The following CCDC3 variants were observed in gnomAD, a reference collection of about 807,000 sequenced individuals.
The protein encoded by CCDC3 is coiled-coil domain-containing protein 3.
Under a neutral mutation model 21.4 loss-of-function variants are expected in CCDC3, and 24 were observed. The ratio of observed to expected loss-of-function variants is 1.12; its 90% CI spans 0.81 to 1.58. CCDC3 has a LOEUF of 1.58. CCDC3 is among the 40% of genes most tolerant of loss of function. The pLI is 0.00. For synonymous variants in CCDC3, 186 were observed against 166.0 expected (o/e 1.12, Z -0.93); for missense variants, 425 against 360.9 (o/e 1.18, Z -1.44).
chr10:13,062,047 G>T (rs1352984769), intron 4 of CCDC3, among the ~76,000 whole-genome samples: 1 of 137,030 alleles, frequency 7.3e-6, no homozygotes. Flanking sequence ...AAAATATTTT[G>T]ATTTTCTTCT....
chr10:12,910,322 T>G (rs1295916742), intron 2 of CCDC3, among the ~76,000 whole-genome samples: 1 of 152,182 alleles, frequency 6.6e-6, no homozygotes, highest in Admixed American at 6.5e-5. Flanking sequence ...ATACTGATAA[T>G]GAGAAAAAGC....
chr10:12,936,632 C>T (rs1411665544), intron 2 of CCDC3, among the ~76,000 whole-genome samples: 1 of 152,202 alleles, frequency 6.6e-6, no homozygotes, highest in Non-Finnish European at 1.5e-5. Context: ...TGAACAGTTC[C>T]TCCTAAGGTC....
intron 2 of CCDC3, among the ~76,000 whole-genome samples, chr10:12,948,440 G>C (rs1834953808): frequency 6.7e-6 from 1 of 149,876 alleles, no homozygotes; most frequent in African/African-American, 2.5e-5. Flanking sequence ...TGAAGAGTTT[G>C]ATGTGGCTAA....
At chr10:13,033,630 TAAAC>T (rs1254995416) in intron 5 of CCDC3, among the ~76,000 whole-genome samples, 7 of 152,002 alleles carry the variant, frequency 4.6e-5, no homozygotes, top group Admixed American at 4.6e-4. Context: ...ACAAAGAACT[TAAAC>T]AAATTTACAA....
At chr10:13,031,057 A>G (rs2131411281) in intron 5 of CCDC3, among the ~76,000 whole-genome samples, 1 of 152,312 alleles carries the variant, frequency 6.6e-6, no homozygotes, top group East Asian at 1.9e-4. Context: ...TCTCAGCACC[A>G]CATCACACTT....
At chr10:12,967,635 T>G (rs918068891) in intron 2 of CCDC3, among the ~76,000 whole-genome samples, 2 of 150,930 alleles carry the variant, frequency 1.3e-5, no homozygotes, top group Non-Finnish European at 3.0e-5. Flanking sequence ...AGGAAAAAAG[T>G]GAAAAGGGAT....
At chr10:12,970,086 G>GT (rs903583473) in intron 2 of CCDC3, among the ~76,000 whole-genome samples, 7 of 152,198 alleles carry the variant, frequency 4.6e-5, no homozygotes, top group African/African-American at 1.7e-4. Flanking sequence ...GGTTTTTAGG[G>GT]TTTTTTCATC....
chr10:13,001,119 G>T, intron 1 of CCDC3, 78 bp downstream of exon 1: 2 of 1,479,370 alleles, frequency 1.4e-6, no homozygotes, highest in Non-Finnish European at 1.8e-6. Context: ...GGGAGTTACC[G>T]GCCTGGCTCT....
In CCDC3 at chr10:13,045,320, A is replaced by G. The variant is rs918299415; in HGVS notation, c.-2+4354T>C. On this transcript the variant is annotated intron_variant, in intron 5 of 6. Transcript: ENST00000378839. ...ACCATTATAGGTAGTGTTAATATGC[A>G]ATTTATCAAAATAACAAATATATTT... 8.5e-5 allele frequency among the ~76,000 whole-genome samples: 13 copies of G among 152,338 alleles called. No homozygotes were observed. The East Asian group carries it at 2.5e-3, about 29-fold the overall frequency.
chr10:12,921,727 C>T (rs17501300), intron 2 of CCDC3, among the ~76,000 whole-genome samples: 8,008 of 152,128 alleles, frequency 0.053, 234 homozygotes, highest in Non-Finnish European at 0.072. Flanking sequence ...TAAAAGTTAT[C>T]GTAGCCGGTT....
rs528071147 is a variant in CCDC3, at chr10:13,078,241, C to A, written c.-502-4141G>T. 2.3e-3 allele frequency among the ~76,000 whole-genome samples: 357 copies of A among 152,036 alleles called. 2 individuals are homozygous for A. Among genetic ancestry groups the A allele is most frequent in the African/African-American group, 7.2e-3 (298 of 41,468 alleles). On this transcript the variant is annotated intron_variant, in intron 3 of 6. Transcript: ENST00000378839. ...TCTCAAAAGAAGACATTTATGCAGCCAAAAAACACATGAAAAAATGCTCAT... is the reference window on the plus strand; with the variant it reads ...TCTCAAAAGAAGACATTTATGCAGCAAAAAAACACATGAAAAAATGCTCAT...
chr10:12,992,258 T>C (rs1185633430), intron 2 of CCDC3, among the ~76,000 whole-genome samples: 4 of 151,938 alleles, frequency 2.6e-5, no homozygotes, highest in African/African-American at 9.7e-5. Context: ...GCCGTGGTGC[T>C]GGGCGCCTGT....
At chr10:12,909,344 G>C (rs972545195) in intron 2 of CCDC3, among the ~76,000 whole-genome samples, 8 of 152,168 alleles carry the variant, frequency 5.3e-5, no homozygotes, top group Admixed American at 4.6e-4. Flanking sequence ...AGGGGAGGAA[G>C]GGCAAAAGGA....
chr10:13,097,139 C>T (rs1269970678), intron 3 of CCDC3, among the ~76,000 whole-genome samples: 1 of 152,168 alleles, frequency 6.6e-6, no homozygotes, highest in South Asian at 2.1e-4. Flanking sequence ...TAAAAACCTT[C>T]CCACACTGCT....
intron 2 of CCDC3, among the ~76,000 whole-genome samples, chr10:12,909,470 C>A (rs537884885): frequency 1.3e-5 from 2 of 152,176 alleles, no homozygotes; most frequent in African/African-American, 4.8e-5. Flanking sequence ...TGTGCCAACC[C>A]GGGCTGAGTG....
At chr10:12,918,605 C>T (rs1027297974) in intron 2 of CCDC3, among the ~76,000 whole-genome samples, 9 of 152,154 alleles carry the variant, frequency 5.9e-5, no homozygotes, top group Non-Finnish European at 2.9e-5. Flanking sequence ...ATGTTGATAA[C>T]AGGATGATCA....
In CCDC3 at chr10:12,901,928, C is replaced by T. The variant is rs1354907760; in HGVS notation, c.550-3249G>A. 2.0e-5 allele frequency among the ~76,000 whole-genome samples: 3 copies of T among 152,176 alleles called. No individual in the cohort carries two copies. In the East Asian group the frequency reaches 5.8e-4, roughly 29 times the overall value. On this transcript the variant is annotated intron_variant, in intron 2 of 2. Transcript: ENST00000378825. ...CTCCCGCCTGGAGCACTGTTCTCCCCATCTCCGCCTGGCCATCTTGGAAGC... is the reference window on the plus strand; with the variant it reads ...CTCCCGCCTGGAGCACTGTTCTCCCTATCTCCGCCTGGCCATCTTGGAAGC...
chr10:12,936,239 T>C (rs1370497841), intron 2 of CCDC3, among the ~76,000 whole-genome samples: 1 of 152,220 alleles, frequency 6.6e-6, no homozygotes, highest in East Asian at 1.9e-4. Flanking sequence ...TGTAGGGTTG[T>C]TTTTTTCTCT....
rs1229212795 is a variant in CCDC3 at position 13,054,929 on chromosome 10, A to G, written c.-269-4988T>C. On this transcript the variant is annotated intron_variant, in intron 4 of 6. Coordinates refer to the CCDC3 transcript ENST00000378839. Reference sequence around the variant, plus strand: ...TGATTGACCCGCCTTGGCCTCCTAAAGTGCTGGGATTACAGGCGTGAGCCA... The same window carrying G: ...TGATTGACCCGCCTTGGCCTCCTAAGGTGCTGGGATTACAGGCGTGAGCCA... 2.0e-5 allele frequency among the ~76,000 whole-genome samples: 3 copies of G among 152,210 alleles called. No homozygotes were observed. The South Asian group carries it at 6.2e-4, about 32-fold the overall frequency.
Sources: gnomAD v4.1 joint callset for allele counts (sites outside exome capture counted in the v4.1 genomes callset) on GRCh38, gnomAD v4.1.1 for gene constraint, MANE v1.5 for transcripts, NCBI Gene and HGNC (gene_info 2026-07-23, HGNC 2026-07-21) for gene names.